Variants in NABP2 observed in about 807,000 individuals in gnomAD.
NABP2 encodes the protein SOSS complex subunit B1.
In NABP2, 7 loss-of-function variants were observed where a neutral mutation model predicts 22.7. The observed-to-expected ratio is 0.31, with a 90% CI of 0.18 to 0.58. NABP2 has a LOEUF of 0.58. Among genes scored for constraint, NABP2 ranks in the 20% least tolerant of loss-of-function variants. NABP2 has a pLI of 0.89. For synonymous variants in NABP2, 107 were observed against 99.2 expected, an observed-to-expected ratio of 1.08 and a Z score of -0.47; for missense variants, 188 against 265.9, an observed-to-expected ratio of 0.71 and a Z score of 2.04.
intron 6 of NABP2, among the ~76,000 whole-genome samples, chr12:56,227,101 G>A (rs1438387010): frequency 4.6e-5 from 7 of 151,668 alleles, no homozygotes; most frequent in East Asian, 2.0e-4. Context: ...CTGGCTGGGC[G>A]CAGTGGCTCA....
At position 56,226,154 on chromosome 12, in the gene NABP2, C is replaced by T. The variant is rs114603497; in HGVS notation, c.291-25C>T. ...AGTGGCCCAGAGGATGAATTCAAGG[C>T]TTTAGCTACTTTCTTCCCTTGCAGA... is the stretch of plus-strand genomic sequence containing the variant. On this transcript the variant is annotated intron_variant, in intron 4 of 6. Coordinates refer to ENST00000267023, the MANE Select transcript of NABP2 (RefSeq NM_024068.4). The T allele has an allele frequency of 9.6e-4, 1,550 of 1,610,848 alleles. 14 individuals are homozygous for T. The African/African-American group carries it at 0.019, about 20-fold the overall frequency.
chr12:56,225,424 C>T lies in NABP2; in HGVS notation c.131C>T (p.Ala44Val). 5 of 1,614,180 alleles carry T rather than the reference C, an allele frequency of 3.1e-6. No homozygotes were observed. The highest frequency in any genetic ancestry group is 3.4e-6 in the Non-Finnish European group (4 of 1,180,048). The change falls in exon 3 of 7, where the codon GCG becomes GTG. Residue 44 changes from alanine (A) to valine (V), a missense_variant. Transcript: ENST00000267023. ...DGHEVRTCKV[A>V]DKTGSINISV... ...CATGAGGTTCGGACCTGCAAAGTGG[C>T]GGACAAAACAGGCAGCATCAATATC...
chr12:56,226,121 C>T (rs1269120216), intron 4 of NABP2, 58 bp from the exon 5 acceptor site: 1 of 1,524,342 alleles, frequency 6.6e-7, no homozygotes, highest in African/African-American at 1.4e-5. Flanking sequence ...TTTTCTGAGG[C>T]CTCCAGCAGT....
intron 6 of NABP2, 49 bp downstream of exon 6, chr12:56,226,468 C>T (rs1388222659): frequency 2.0e-6 from 3 of 1,527,154 alleles, no homozygotes; most frequent in African/African-American, 1.4e-5. Context: ...CTCCCACTCT[C>T]CTCAGCCTAG....
chr12:56,225,627 C>G lies in NABP2; in HGVS notation c.222C>G (p.Tyr74Ter). 6.2e-7 allele frequency: 1 copy of G among 1,614,072 alleles called. No individual in the cohort carries two copies. Among genetic ancestry groups the G allele is most frequent in the Non-Finnish European group, 8.5e-7 (1 of 1,180,030 alleles). Residue 74 changes from tyrosine to a stop codon, truncating the protein, a stop_gained, in exon 4 of 7, where the codon TAC becomes TAG. Transcript: ENST00000267023. LOFTEE classifies it high-confidence loss of function. ...TTGCTTTTTTTGCCTCCCATAGGTACGCTTCAGTTTTCAAAGGTTGTCTGA... is the reference window on the plus strand; with the variant it reads ...TTGCTTTTTTTGCCTCCCATAGGTAGGCTTCAGTTTTCAAAGGTTGTCTGA... ...PGDIIRLTKGYASVFKGCLTL... is the reference protein window; with the variant it reads ...PGDIIRLTKG
rs1869656618 is a variant in NABP2, at chr12:56,224,368, T to A, written c.-97T>A. The A allele has an allele frequency of 2.0e-6, 2 of 990,462 alleles. No individual in the cohort carries two copies. Among genetic ancestry groups the A allele is most frequent in the South Asian group, 9.2e-5 (2 of 21,818 alleles). The allele number at this position is 990,462 out of a possible 1,614,324, so 61.4% of individuals were successfully genotyped here. A position where few individuals can be genotyped will look rare whatever the true frequency, so the allele number is the denominator to read the frequency against. On this transcript the variant is annotated 5_prime_UTR_variant, in exon 1 of 7. Transcript: ENST00000267023. ...CACTCCCGCGTTCCACGGGGCAGCA[T>A]CCGGCGGCAGCGGAGCCTGTGGCTC...
Position 56,225,645 on chromosome 12 carries a change from T to C in NABP2, c.240T>C (p.Gly80=). Residue 80 remains glycine (G), a synonymous_variant, in exon 4 of 7, where the codon GGT becomes GGC. Transcript: ENST00000267023. ...ATAGGTACGCTTCAGTTTTCAAAGG[T>C]TGTCTGACACTATATACTGGCCGTG... The part of the protein sequence containing the change: ...LTKGYASVFK[G]CLTLYTGRGG... 5 of 1,614,178 alleles carry C rather than the reference T, an allele frequency of 3.1e-6. No homozygotes were observed. The highest frequency in any genetic ancestry group is 3.4e-6 in the Non-Finnish European group (4 of 1,180,034).
At position 56,224,828 on chromosome 12, in the gene NABP2, A is replaced by G. The variant is rs1399228743; in HGVS notation, c.-23-6A>G. 1 of 1,611,354 alleles carries G rather than the reference A, an allele frequency of 6.2e-7. No individual in the cohort carries two copies. The highest frequency in any genetic ancestry group is 1.3e-5 in the African/African-American group (1 of 74,910). ...ATTGAGCCTTCATCCTCTATTCCCCATCCAGTGGGGTGCCGAGGCTCAGGC... is the reference window on the plus strand; with the variant it reads ...ATTGAGCCTTCATCCTCTATTCCCCGTCCAGTGGGGTGCCGAGGCTCAGGC... On this transcript the variant is annotated splice_polypyrimidine_tract_variant and splice_region_variant and intron_variant, in intron 1 of 6. Transcript: ENST00000267023.
chr12:56,225,157 C>G (rs947085317), intron 2 of NABP2, among the ~76,000 whole-genome samples: 2 of 152,114 alleles, frequency 1.3e-5, no homozygotes, highest in Admixed American at 1.3e-4. Context: ...CCTCTTTCCA[C>G]TCAGGGCCCT....
Position 56,227,826 on chromosome 12 carries a change from A to G in NABP2, c.437-1188A>G, listed in dbSNP as rs1592368521. 1.3e-5 allele frequency among the ~76,000 whole-genome samples: 2 copies of G among 152,196 alleles called. 1 individual carries two copies. Among genetic ancestry groups the G allele is most frequent in the Non-Finnish European group, 2.9e-5 (2 of 68,044 alleles). The stretch of plus-strand genomic sequence containing the variant: ...AGACCTCATCTCTAAAACAGTAAAA[A>G]TTAAAAAATAAATATTTATATACAC... On this transcript the variant is annotated intron_variant, in intron 6 of 6. Coordinates refer to ENST00000267023, the MANE Select transcript of NABP2 (RefSeq NM_024068.4).
intron 6 of NABP2, among the ~76,000 whole-genome samples, chr12:56,226,747 A>ATTTTTTTTTTTT (rs1869790138): frequency 1.6e-4 from 1 of 6,112 alleles, no homozygotes; most frequent in African/African-American, 2.1e-4. Flanking sequence ...TTTTTTTTTG[A>ATTTTTTTTTTTT]GATGGAGTCT....
chr12:56,224,291 G>A, upstream of NABP2: 1 of 980,390 alleles, frequency 1.0e-6, no homozygotes, highest in Non-Finnish European at 1.2e-6. Context: ...GCGCCCGGGC[G>A]GTGCTGATTG....
chr12:56,226,557 CTTTTTT>C (rs10676451), intron 6 of NABP2, 138 bp downstream of exon 6: 33 of 271,860 alleles, frequency 1.2e-4, no homozygotes, highest in Middle Eastern at 1.4e-3. Flanking sequence ...TCCCAGACCC[CTTTTTT>C]TTTTTTTTTT....
At position 56,224,941 on chromosome 12, in the gene NABP2, T is replaced by C. The variant is rs1430211517; in HGVS notation, c.79+6T>C. 1 of 1,591,518 alleles carries C rather than the reference T, an allele frequency of 6.3e-7. No homozygotes were observed. Among genetic ancestry groups the C allele is most frequent in the East Asian group, 2.3e-5 (1 of 44,244 alleles). ...CTTCATTGTGCTGGAGACAGGTGTC[T>C]ATACTGGGGTGGCGGGTTCGCGGGA... On this transcript the variant is annotated splice_donor_region_variant and intron_variant, in intron 2 of 6. Coordinates refer to ENST00000267023, the MANE Select transcript of NABP2 (RefSeq NM_024068.4).
Position 56,225,411 on chromosome 12 carries a change from A to C in NABP2, c.118A>C (p.Thr40Pro). The stretch of plus-strand genomic sequence containing the variant: ...GACAAAGGACGGGCATGAGGTTCGG[A>C]CCTGCAAAGTGGCGGACAAAACAGG... Reference protein sequence around the residue: ...TKTKDGHEVRTCKVADKTGSI... With the variant: ...TKTKDGHEVRPCKVADKTGSI... Residue 40 changes from threonine (T) to proline (P), a missense_variant, in exon 3 of 7, where the codon ACC (threonine) becomes CCC (proline). Physicochemically the swap from Thr to Pro is conservative, Grantham distance 38 (BLOSUM62 -1). Transcript: ENST00000267023. The C allele has an allele frequency of 6.2e-7, 1 of 1,614,112 alleles. No homozygotes were observed. Among genetic ancestry groups the C allele is most frequent in the Non-Finnish European group, 8.5e-7 (1 of 1,179,998 alleles).
upstream of NABP2, among the ~76,000 whole-genome samples, chr12:56,223,142 A>G (rs1227856804): frequency 6.6e-6 from 1 of 152,198 alleles, no homozygotes; most frequent in Non-Finnish European, 1.5e-5. Context: ...AGGCTGAGAC[A>G]GGAGAATCGC....
upstream of NABP2, among the ~76,000 whole-genome samples, chr12:56,223,316 C>T (rs951760736): frequency 1.3e-5 from 2 of 152,106 alleles, no homozygotes; most frequent in Non-Finnish European, 2.9e-5. Context: ...AATCCTAGCA[C>T]TTTGGGAGGA....
At chr12:56,224,468 G>A (rs1418890869) in intron 1 of NABP2, 27 bp downstream of exon 1, 1 of 1,049,080 alleles carries the variant, frequency 9.5e-7, no homozygotes, top group Non-Finnish European at 1.2e-6. Flanking sequence ...GGGTAGGGGA[G>A]GGGATGGACC....
intron 3 of NABP2, 25 bp downstream of exon 3, chr12:56,225,536 C>A: frequency 6.2e-7 from 1 of 1,614,148 alleles, no homozygotes; most frequent in Non-Finnish European, 8.5e-7. Flanking sequence ...GACTTCTGGC[C>A]TTCCAAAGGC....
Sources: allele counts gnomAD v4.1 joint callset (sites outside exome capture counted in the v4.1 genomes callset), GRCh38; gene constraint gnomAD v4.1.1; transcripts MANE v1.5; gene names NCBI Gene and HGNC (gene_info 2026-07-23, HGNC 2026-07-21).